C8orf34: variants seen among roughly 807,000 people sequenced by gnomAD.
C8orf34 encodes the protein chromosome 8 open reading frame 34.
A neutral mutation model predicts 68.3 loss-of-function variants in C8orf34; 65 were observed. The ratio of observed to expected loss-of-function variants is 0.95; its 90% CI spans 0.78 to 1.17. The LOEUF (loss-of-function observed/expected upper bound fraction) is 1.17, where lower values mean the gene tolerates loss of function less well. Among genes scored for constraint, C8orf34 ranks in the 50% most tolerant of loss-of-function variants. The probability of loss-of-function intolerance (pLI) is 0.00; values close to 1 mark genes in which losing one functional copy is unlikely to be tolerated. For synonymous variants in C8orf34, 244 were observed against 241.2 expected, an observed-to-expected ratio of 1.01 and a Z score of -0.11; for missense variants, 664 against 655.4, an observed-to-expected ratio of 1.01 and a Z score of -0.14.
chr8:68,574,233 C>A lies in C8orf34; in HGVS notation c.1105+41084C>A, dbSNP rs546684949. 1.2e-3 allele frequency among the ~76,000 whole-genome samples: 190 copies of A among 152,048 alleles called. 2 individuals are homozygous for A. Among genetic ancestry groups the A allele is most frequent in the African/African-American group, 4.4e-3 (182 of 41,514 alleles). On this transcript the variant is annotated intron_variant, in intron 7 of 13. Coordinates refer to ENST00000518698, the MANE Select transcript of C8orf34 (RefSeq NM_052958.4). Reference sequence around the variant, plus strand: ...AATATTTGATAGGTGAAATAATTATCTTAATTCAAATACTGAGAAAAAATG... The same window carrying A: ...AATATTTGATAGGTGAAATAATTATATTAATTCAAATACTGAGAAAAAATG...
At chr8:68,572,518 A>AAT (rs1251244878) in intron 7 of C8orf34, among the ~76,000 whole-genome samples, 3 of 151,548 alleles carry the variant, frequency 2.0e-5, no homozygotes, top group Admixed American at 6.6e-5. Flanking sequence ...TAATTATCAG[A>AAT]ATATATATAT....
intron 2 of C8orf34, among the ~76,000 whole-genome samples, chr8:68,444,002 G>A (rs1172975921): frequency 2.6e-5 from 4 of 151,548 alleles, no homozygotes; most frequent in Admixed American, 6.6e-5. Context: ...ATGATTTTTC[G>A]GGAAAATCTA....
intron 7 of C8orf34, among the ~76,000 whole-genome samples, chr8:68,567,020 G>C (rs1344681403): frequency 6.6e-6 from 1 of 152,096 alleles, no homozygotes. Flanking sequence ...TATGTTGTTG[G>C]ATTCAGTTAG....
intron 10 of C8orf34, among the ~76,000 whole-genome samples, chr8:68,746,786 G>A (rs1481525084): frequency 1.9e-4 from 28 of 150,586 alleles, no homozygotes; most frequent in Admixed American, 1.9e-3. Context: ...TGGATTCACA[G>A]CTGAATTCTA....
At chr8:68,591,546 A>C (rs866452177) in intron 7 of C8orf34, among the ~76,000 whole-genome samples, 5 of 152,328 alleles carry the variant, frequency 3.3e-5, no homozygotes, top group Middle Eastern at 3.4e-3. Context: ...GAGGGAGAAG[A>C]AGCAGCTAAA....
At chr8:68,350,258 G>A (rs1043384509) in intron 1 of C8orf34, among the ~76,000 whole-genome samples, 12 of 150,416 alleles carry the variant, frequency 8.0e-5, no homozygotes, top group African/African-American at 2.4e-4. Context: ...GATTTTCATA[G>A]TCTTGCTTTT....
At chr8:68,787,746 C>G (rs575851130) in intron 12 of C8orf34, 1 of 321,212 alleles carries the variant, frequency 3.1e-6, no homozygotes, top group Non-Finnish European at 5.7e-6. Flanking sequence ...CATAGACTAA[C>G]TTTCTAGAAA....
intron 1 of C8orf34, among the ~76,000 whole-genome samples, chr8:68,341,874 A>G (rs1345576585): frequency 6.6e-6 from 1 of 152,218 alleles, no homozygotes; most frequent in African/African-American, 2.4e-5. Flanking sequence ...GTATTTCTTT[A>G]TAGCAATGCA....
chr8:68,766,684 AT>A (rs1434877241), intron 10 of C8orf34, among the ~76,000 whole-genome samples: 2 of 152,194 alleles, frequency 1.3e-5, no homozygotes, highest in African/African-American at 4.8e-5. Context: ...ACAAATGGAG[AT>A]TTGTAAAATT....
At chr8:68,603,450 G>A (rs565373590) in intron 7 of C8orf34, among the ~76,000 whole-genome samples, 103 of 151,342 alleles carry the variant, frequency 6.8e-4, no homozygotes, top group Non-Finnish European at 1.3e-3. Flanking sequence ...TGTTCATCTG[G>A]AATATACCCA....
chr8:68,480,213 AAT>A (rs1270533301), intron 4 of C8orf34, among the ~76,000 whole-genome samples: 3 of 152,172 alleles, frequency 2.0e-5, no homozygotes, highest in Non-Finnish European at 2.9e-5. Context: ...CATGCTAGTG[AAT>A]AAGTCTCACA....
At chr8:68,706,950 G>C (rs1821183738) in intron 8 of C8orf34, among the ~76,000 whole-genome samples, 1 of 152,180 alleles carries the variant, frequency 6.6e-6, no homozygotes, top group Non-Finnish European at 1.5e-5. Context: ...AAAAGGAGGA[G>C]CAGCCAACAT....
chr8:68,373,997 C>T (rs913532523), intron 1 of C8orf34, among the ~76,000 whole-genome samples: 15 of 152,302 alleles, frequency 9.8e-5, no homozygotes, highest in African/African-American at 3.6e-4. Flanking sequence ...CTCACTGTAA[C>T]TTTGAACTCC....
At chr8:68,667,653 C>T (rs1819881224) in intron 8 of C8orf34, among the ~76,000 whole-genome samples, 1 of 152,228 alleles carries the variant, frequency 6.6e-6, no homozygotes, top group African/African-American at 2.4e-5. Flanking sequence ...CCAAAACTGG[C>T]CTAAGATTCT....
rs771551466 is a variant in C8orf34, at chr8:68,533,054, T to A, written c.1010T>A (p.Met337Lys). The A allele has an allele frequency of 1.2e-6, 2 of 1,612,594 alleles. No homozygotes were observed. The highest frequency in any genetic ancestry group is 1.7e-6 in the Non-Finnish European group (2 of 1,178,774). Residue 337 changes from methionine to lysine, a missense_variant, in exon 7 of 14, where the codon ATG becomes AAG. Coordinates refer to ENST00000518698, the MANE Select transcript of C8orf34 (RefSeq NM_052958.4). ...CAACATAAGAAACTCCTGGCCGCAA[T>A]GCTCTCTCAAGATTCTTTTGAGTCC... ...QQQHKKLLAA[M>K]LSQDSFESIH...
At chr8:68,438,795 A>G (rs76515970) in intron 1 of C8orf34, 1 of 152,104 alleles carries the variant, frequency 6.6e-6, no homozygotes, top group African/African-American at 2.4e-5. Flanking sequence ...AAATATGTAG[A>G]TATTACCCTT....
chr8:68,437,608 T>C (rs954042708), intron 1 of C8orf34, among the ~76,000 whole-genome samples: 1 of 152,206 alleles, frequency 6.6e-6, no homozygotes, highest in African/African-American at 2.4e-5. Context: ...TACTTTACAA[T>C]TACCTTCACA....
At chr8:68,558,813 C>A (rs1396840543) in intron 7 of C8orf34, among the ~76,000 whole-genome samples, 3 of 151,852 alleles carry the variant, frequency 2.0e-5, no homozygotes, top group African/African-American at 7.3e-5. Flanking sequence ...AAATACAGAG[C>A]CAAATGAGGT....
chr8:68,608,443 A>C (rs1817919183), intron 7 of C8orf34, among the ~76,000 whole-genome samples: 2 of 152,074 alleles, frequency 1.3e-5, no homozygotes, highest in South Asian at 2.1e-4. Context: ...TCTGATGGCA[A>C]AGATGCAGAT....
Sources: allele counts gnomAD v4.1 joint callset (sites outside exome capture counted in the v4.1 genomes callset), GRCh38; gene constraint gnomAD v4.1.1; transcripts MANE v1.5; gene names NCBI Gene and HGNC (gene_info 2026-07-23, HGNC 2026-07-21).